The following AUP1 variants were observed in gnomAD, a reference collection of about 807,000 sequenced individuals.
AUP1 encodes AUP1 lipid droplet regulating VLDL assembly factor.
A neutral mutation model predicts 51.8 loss-of-function variants in AUP1; 30 were observed. The observed-to-expected ratio is 0.58, with a 90% CI of 0.43 to 0.79. The LOEUF (loss-of-function observed/expected upper bound fraction) is 0.79. Ranked by LOEUF, AUP1 falls within the 30% of genes least tolerant of loss-of-function variation. The pLI is 0.00. For missense variants in AUP1, 492 were observed against 517.1 expected, an observed-to-expected ratio of 0.95 and a Z score of 0.47; for synonymous variants, 227 against 209.0, an observed-to-expected ratio of 1.09 and a Z score of -0.74.
At position 74,527,604 on chromosome 2, in the gene AUP1, AAAAAAAG is replaced by A. The variant is rs761042674; in HGVS notation, c.842-21_842-15del. ...AAGAAGACTGGGCTGTGGAAAAAGG[AAAAAAAG>A]AAAAAAGAAATTCTGGTAAGTAGAG... On this transcript the variant is annotated splice_polypyrimidine_tract_variant and intron_variant, in intron 8 of 11. Coordinates refer to ENST00000377526, the MANE Select transcript of AUP1 (RefSeq NM_181575.5). 29 of 1,587,030 alleles carry A rather than the reference AAAAAAAG, an allele frequency of 1.8e-5. No homozygotes were observed. The Admixed American group carries it at 5.6e-4, about 31-fold the overall frequency.
At chr2:74,526,891 T>A (rs1274996457) in intron 11 of AUP1, 50 bp downstream of exon 11, 2 of 1,607,442 alleles carry the variant, frequency 1.2e-6, no homozygotes, top group Non-Finnish European at 1.7e-6. Context: ...GCTCCATAAT[T>A]CCATTCTCCA....
Position 74,527,982 on chromosome 2 carries a change from T to C in AUP1, c.696A>G (p.Gln232=), listed in dbSNP as rs371770628. The change falls in exon 7 of 12, where the codon CAA becomes CAG. Residue 232 remains glutamine, a synonymous_variant. Transcript: ENST00000377526. The part of the protein sequence containing the change: ...QVRWLRPVHR[Q]LGEANEEFAL... ...CAAACTCCTCATTCGCTTCCCCTAGTTGGCGATGAACAGGACGAAGCCACC... is the reference window on the plus strand; with the variant it reads ...CAAACTCCTCATTCGCTTCCCCTAGCTGGCGATGAACAGGACGAAGCCACC... The C allele has an allele frequency of 1.9e-6, 3 of 1,614,112 alleles. No individual in the cohort carries two copies. In the African/African-American group the frequency reaches 4.0e-5, roughly 22 times the overall value.
At chr2:74,528,645 A>G (rs1675321495) in intron 4 of AUP1, 106 bp downstream of exon 4, 2 of 1,423,072 alleles carry the variant, frequency 1.4e-6, no homozygotes, top group South Asian at 1.3e-5. Context: ...AAAGGAAATG[A>G]ACTGGAGATG....
Position 74,529,409 on chromosome 2 carries a change from G to A in AUP1, c.141C>T (p.Ile47=), listed in dbSNP as rs71640291. The change falls in exon 2 of 12, where the codon ATC becomes ATT. Residue 47 remains isoleucine, a synonymous_variant. Transcript: ENST00000377526. ...GCGCGCAGCTGACCAGGAAGACGTG[G>A]ATCCCGAGAAAGAGGCGCAGGACGA... ...CLLVLRLFLG[I]HVFLVSCALP... is the part of the protein sequence containing the mutation. 5.3e-5 allele frequency: 85 copies of A among 1,598,874 alleles called. No homozygotes were observed. The highest frequency in any genetic ancestry group is 7.1e-5 in the Non-Finnish European group (83 of 1,172,398).
Position 74,527,775 on chromosome 2 carries a change from T to A in AUP1, c.802A>T (p.Met268Leu). ...AATCTGGGGTGTCTTTGTCGCTTCA[T>A]GTGCTCTGCTTTGTCAGCTGGAGTG... ...RLTPADKAEH[M>L]KRQRHPRLRP... The change falls in exon 8 of 12, where the codon ATG becomes TTG. Residue 268 changes from methionine to leucine, a missense_variant. By Grantham distance (15) the Met-to-Leu change is conservative. Coordinates refer to ENST00000377526, the MANE Select transcript of AUP1 (RefSeq NM_181575.5). The A allele has an allele frequency of 6.2e-7, 1 of 1,614,004 alleles. No individual in the cohort carries two copies. The highest frequency in any genetic ancestry group is 8.5e-7 in the Non-Finnish European group (1 of 1,179,990).
Position 74,529,226 on chromosome 2 carries a change from G to C in AUP1, c.245C>G (p.Ser82Cys), listed in dbSNP as rs1167800717. The change falls in exon 3 of 12, where the codon TCC becomes TGC. Residue 82 changes from serine to cysteine, a missense_variant. Transcript: ENST00000377526. ...VLGLVARQED[S>C]GLRDHSVRVL... ...CCTGACACTGTGATCCCGGAGTCCG[G>C]AGTCCTCCTGCCGGGCCACGAGCCC... 3 of 1,614,244 alleles carry C rather than the reference G, an allele frequency of 1.9e-6. No homozygotes were observed. Among genetic ancestry groups the C allele is most frequent in the Non-Finnish European group, 2.5e-6 (3 of 1,180,056 alleles).
At chr2:74,527,390 C>T (rs1374057949) in intron 9 of AUP1, 27 bp from the exon 10 acceptor site, 3 of 1,613,116 alleles carry the variant, frequency 1.9e-6, no homozygotes, top group South Asian at 1.1e-5. Flanking sequence ...AGGGAGTCCA[C>T]TCCCTACTTA....
Position 74,527,520 on chromosome 2 carries a change from G to C in AUP1, c.912C>G (p.Val304=), listed in dbSNP as rs1478097412. The stretch of plus-strand genomic sequence containing the variant: ...ATGGCACATGGGGCAAAACTTCCTT[G>C]ACTCTCTGAGCCAGAGTTGCCAGTT... The part of the protein sequence containing the change: ...DVQLATLAQR[V]KEVLPHVPLG... The change falls in exon 9 of 12, where the codon GTC becomes GTG. Residue 304 remains valine, a synonymous_variant. Transcript: ENST00000377526. 1.2e-6 allele frequency: 2 copies of C among 1,613,844 alleles called. No individual in the cohort carries two copies. The highest frequency in any genetic ancestry group is 1.7e-6 in the Non-Finnish European group (2 of 1,180,000).
intron 6 of AUP1, 92 bp downstream of exon 6, chr2:74,528,156 A>G: frequency 1.3e-6 from 2 of 1,490,736 alleles, no homozygotes; most frequent in Non-Finnish European, 1.9e-6. Context: ...CCTTGATATA[A>G]AGATCTACAA....
At position 74,528,913 on chromosome 2, in the gene AUP1, C is replaced by T. The variant is rs752018733; in HGVS notation, c.362G>A (p.Ser121Asn). Residue 121 changes from serine (S) to asparagine (N), a missense_variant, in exon 4 of 12, where the codon AGC (serine) becomes AAC (asparagine). Coordinates refer to ENST00000377526, the MANE Select transcript of AUP1 (RefSeq NM_181575.5). Reference sequence around the variant, plus strand: ...GAAGCCCCGAGACCAGCACACAAAGCTGGGGGGACTATTGAGTAGAGGCTG... The same window carrying T: ...GAAGCCCCGAGACCAGCACACAAAGTTGGGGGGACTATTGAGTAGAGGCTG... Reference protein sequence around the residue: ...CSTPLLNSPPSFVCWSRGFME... With the variant: ...CSTPLLNSPPNFVCWSRGFME... 1 of 1,613,922 alleles carries T rather than the reference C, an allele frequency of 6.2e-7. No individual in the cohort carries two copies. Among genetic ancestry groups the T allele is most frequent in the South Asian group, 1.1e-5 (1 of 91,078 alleles).
In AUP1 at chr2:74,526,827, T is replaced by C; in HGVS notation, c.1206A>G (p.Thr402=). The change falls in exon 12 of 12, where the codon ACA becomes ACG. Residue 402 remains threonine, a synonymous_variant. Transcript: ENST00000377526. ...AGTCAGCCTCCTGGGCTCGTCTCTC[T>C]GTGAATCTCCTGTGGGACATAGGGA... The part of the protein sequence containing the change: ...ALYEYARRRF[T]ERRAQEAD The C allele has an allele frequency of 6.4e-7, 1 of 1,557,976 alleles. No homozygotes were observed. The highest frequency in any genetic ancestry group is 8.7e-7 in the Non-Finnish European group (1 of 1,149,762).
chr2:74,528,844 C>A lies in AUP1; in HGVS notation c.431G>T (p.Arg144Ile), dbSNP rs1326654175. 7 of 1,614,034 alleles carry A rather than the reference C, an allele frequency of 4.3e-6. No individual in the cohort carries two copies. In the East Asian group the frequency reaches 1.6e-4, roughly 36 times the overall value. The part of the protein sequence containing the change: ...GRGELVESLK[R>I]FCASTRLPPT... ...GGGAAGCCTCGTGGAAGCACAGAAT[C>A]TCTTGAGTGACTCCACCAACTCCCC... Residue 144 changes from arginine to isoleucine, a missense_variant, in exon 4 of 12, where the codon AGA becomes ATA. By Grantham distance (97) the Arg-to-Ile change is moderately conservative (BLOSUM62 -3). Transcript: ENST00000377526.
rs1163010087 is a variant in AUP1, at chr2:74,529,481, G to C, written c.69C>G (p.Phe23Leu). The C allele has an allele frequency of 7.1e-6, 11 of 1,556,290 alleles. No homozygotes were observed. Among genetic ancestry groups the C allele is most frequent in the Non-Finnish European group, 9.6e-6 (11 of 1,148,612 alleles). ...CGTAGAGCAGCAGCACGAGCAGTAGGAAGCAGTCACCCGGAAGCCTGGGGG... is the reference window on the plus strand; with the variant it reads ...CGTAGAGCAGCAGCACGAGCAGTAGCAAGCAGTCACCCGGAAGCCTGGGGG... ...FDSHRLPGDC[F>L]LLLVLLLYAP... is the part of the protein sequence containing the mutation. The change falls in exon 2 of 12, where the codon TTC (phenylalanine) becomes TTG (leucine). Residue 23 changes from phenylalanine to leucine, a missense_variant. Transcript: ENST00000377526.
chr2:74,527,985 G>A lies in AUP1; in HGVS notation c.693C>T (p.Arg231=). ...ACTCCTCATTCGCTTCCCCTAGTTG[G>A]CGATGAACAGGACGAAGCCACCTGC... ...YQVRWLRPVH[R]QLGEANEEFA... is the part of the protein sequence containing the mutation. The change falls in exon 7 of 12, where the codon CGC becomes CGT. Residue 231 remains arginine, a synonymous_variant. Transcript: ENST00000377526. 1 of 1,614,198 alleles carries A rather than the reference G, an allele frequency of 6.2e-7. No homozygotes were observed. The highest frequency in any genetic ancestry group is 1.1e-5 in the South Asian group (1 of 91,084).
Position 74,528,871 on chromosome 2 carries a change from C to A in AUP1, c.404G>T (p.Arg135Leu), listed in dbSNP as rs779574160. 13 of 1,614,126 alleles carry A rather than the reference C, an allele frequency of 8.1e-6. No individual in the cohort carries two copies. The highest frequency in any genetic ancestry group is 1.3e-5 in the African/African-American group (1 of 74,996). ...WSRGFMEMNG[R>L]GELVESLKRF... ...CTTGAGTGACTCCACCAACTCCCCC[C>A]GCCCATTCATCTCCATGAAGCCCCG... is the stretch of plus-strand genomic sequence containing the variant. Residue 135 changes from arginine to leucine, a missense_variant, in exon 4 of 12, where the codon CGG becomes CTG. Arg to Leu is a moderately radical substitution (Grantham distance 102). Transcript: ENST00000377526.
intron 4 of AUP1, 24 bp downstream of exon 4, chr2:74,528,727 G>A (rs1243370884): frequency 4.5e-6 from 7 of 1,556,326 alleles, no homozygotes; most frequent in East Asian, 2.2e-5. Context: ...CCCAGCTGGC[G>A]CCCCATACCT....
Position 74,528,866 on chromosome 2 carries a change from C to A in AUP1, c.409G>T (p.Glu137Ter). The A allele has an allele frequency of 6.2e-7, 1 of 1,614,070 alleles. No homozygotes were observed. The highest frequency in any genetic ancestry group is 8.5e-7 in the Non-Finnish European group (1 of 1,179,958). Reference protein sequence around the residue: ...RGFMEMNGRGELVESLKRFCA... With the variant: ...RGFMEMNGRG ...AATCTCTTGAGTGACTCCACCAACTCCCCCCGCCCATTCATCTCCATGAAG... is the reference window on the plus strand; with the variant it reads ...AATCTCTTGAGTGACTCCACCAACTACCCCCGCCCATTCATCTCCATGAAG... The change falls in exon 4 of 12, where the codon GAG (glutamate) becomes TAG (stop). Residue 137 changes from glutamate to a stop codon, truncating the protein, a stop_gained. Coordinates refer to ENST00000377526, the MANE Select transcript of AUP1 (RefSeq NM_181575.5). LOFTEE classifies it high-confidence loss of function.
chr2:74,526,813 T>C lies in AUP1; in HGVS notation c.1220A>G (p.Gln407Arg), dbSNP rs1675208296. 1 of 1,547,690 alleles carries C rather than the reference T, an allele frequency of 6.5e-7. No homozygotes were observed. Among genetic ancestry groups the C allele is most frequent in the Non-Finnish European group, 8.7e-7 (1 of 1,145,470 alleles). Residue 407 changes from glutamine (Q) to arginine (R), a missense_variant, in exon 12 of 12, where the codon CAG (glutamine) becomes CGG (arginine). Coordinates refer to ENST00000377526, the MANE Select transcript of AUP1 (RefSeq NM_181575.5). ...ARRRFTERRA[Q>R]EAD ...GTTCCTTTGAGCTCAGTCAGCCTCC[T>C]GGGCTCGTCTCTCTGTGAATCTCCT...
In AUP1 at chr2:74,527,470, C is replaced by T; in HGVS notation, c.961+1G>A. 6.2e-7 allele frequency: 1 copy of T among 1,612,214 alleles called. No individual in the cohort carries two copies. Among genetic ancestry groups the T allele is most frequent in the Non-Finnish European group, 8.5e-7 (1 of 1,179,204 alleles). On this transcript the variant is annotated splice_donor_variant, in intron 9 of 11. Coordinates refer to ENST00000377526, the MANE Select transcript of AUP1 (RefSeq NM_181575.5). LOFTEE classifies it high-confidence loss of function. ...CAGTGTGGGGCCACCCTTTCCCATA[C>T]CCAGGTCTCTCTGGATGACACCCAA...
Sources: gnomAD v4.1 joint callset for allele counts on GRCh38, gnomAD v4.1.1 for gene constraint, MANE v1.5 for transcripts, NCBI Gene and HGNC (gene_info 2026-07-23, HGNC 2026-07-21) for gene names.